Variants in TRHDE observed in about 807,000 individuals in gnomAD.
TRHDE encodes thyrotropin releasing hormone degrading enzyme.
In TRHDE, 72 loss-of-function variants were observed where a neutral mutation model predicts 125.7. The ratio of observed to expected loss-of-function variants is 0.57; its 90% CI spans 0.47 to 0.70. The LOEUF (loss-of-function observed/expected upper bound fraction) is 0.70. TRHDE is among the 30% of genes least tolerant of loss of function. TRHDE has a pLI of 0.00. For missense variants in TRHDE, 1,110 were observed against 1,327.1 expected, an observed-to-expected ratio of 0.84 and a Z score of 2.54; for synonymous variants, 509 against 509.1, an observed-to-expected ratio of 1.00 and a Z score of 0.00.
chr12:72,564,771 C>T (rs1317350437), intron 9 of TRHDE, among the ~76,000 whole-genome samples: 1 of 144,730 alleles, frequency 6.9e-6, no homozygotes, highest in Non-Finnish European at 1.5e-5. Context: ...AGGTTCACCC[C>T]ATTCTCCTGC....
chr12:72,669,479 T>C lies in TRHDE; in HGVS notation c.*6284T>C, dbSNP rs1875197366. ...GTAAAGGAAAGAGTGAAACGTTTTA[T>C]AGAAAATATTACAGTGGAGTTAAGA... On this transcript the variant is annotated 3_prime_UTR_variant, in exon 19 of 19. Coordinates refer to ENST00000261180, the MANE Select transcript of TRHDE (RefSeq NM_013381.3). 1 of 151,814 alleles carries C rather than the reference T, an allele frequency of 6.6e-6. No homozygotes were observed. Among genetic ancestry groups the C allele is most frequent in the Non-Finnish European group, 1.5e-5 (1 of 67,828 alleles). The allele number at this position is 151,814 out of a possible 1,614,324, so 9.4% of individuals were successfully genotyped here.
intron 2 of TRHDE, among the ~76,000 whole-genome samples, chr12:72,291,108 C>A (rs986933512): frequency 1.3e-5 from 2 of 152,208 alleles, no homozygotes; most frequent in African/African-American, 4.8e-5. Flanking sequence ...CAGGCTCAGA[C>A]TTGAGGTCCA....
chr12:72,385,275 G>GTA (rs1236404272), intron 3 of TRHDE, among the ~76,000 whole-genome samples: 1 of 151,554 alleles, frequency 6.6e-6, no homozygotes, highest in East Asian at 1.9e-4. Context: ...GCTATTGTAT[G>GTA]GTTTCTTGGT....
chr12:72,127,521 C>A (rs1445676067), intron 2 of TRHDE, among the ~76,000 whole-genome samples: 1 of 152,168 alleles, frequency 6.6e-6, no homozygotes, highest in Non-Finnish European at 1.5e-5. Context: ...AAAATGAAAT[C>A]ATGTCATTTG....
At chr12:72,226,272 G>A (rs1878126409) in intron 2 of TRHDE, among the ~76,000 whole-genome samples, 3 of 152,268 alleles carry the variant, frequency 2.0e-5, no homozygotes, top group African/African-American at 7.2e-5. Flanking sequence ...GATATAAAAA[G>A]GAAACATAAC....
At chr12:72,369,233 A>G (rs905508742) in intron 2 of TRHDE, among the ~76,000 whole-genome samples, 3 of 152,162 alleles carry the variant, frequency 2.0e-5, no homozygotes, top group African/African-American at 7.2e-5. Context: ...GGGATCAAAA[A>G]TTTGTAGTCC....
At chr12:72,437,633 G>A (rs1276470194) in intron 3 of TRHDE, among the ~76,000 whole-genome samples, 1 of 151,638 alleles carries the variant, frequency 6.6e-6, no homozygotes, top group Admixed American at 6.6e-5. Flanking sequence ...CTATTCAATA[G>A]TTTTTGACAT....
chr12:72,390,453 T>A (rs925895492), intron 3 of TRHDE, among the ~76,000 whole-genome samples: 2 of 152,176 alleles, frequency 1.3e-5, no homozygotes, highest in African/African-American at 4.8e-5. Context: ...AAGGTGACCA[T>A]TCTCATAAAC....
intron 2 of TRHDE, among the ~76,000 whole-genome samples, chr12:72,342,056 T>C (rs768646843): frequency 2.0e-5 from 3 of 152,034 alleles, no homozygotes; most frequent in Non-Finnish European, 4.4e-5. Flanking sequence ...AAAAAAAGAC[T>C]TTAAAAACTC....
intron 2 of TRHDE, among the ~76,000 whole-genome samples, chr12:72,338,808 G>A (rs12826259): frequency 0.35 from 52,769 of 151,972 alleles, 9,890 homozygotes; most frequent in Non-Finnish European, 0.43. Flanking sequence ...TTATAGAGAG[G>A]TACTAACAAA....
chr12:72,224,135 TATCTATTTATCTATGTATG>T (rs1160731427), intron 2 of TRHDE, among the ~76,000 whole-genome samples: 1 of 38,602 alleles, frequency 2.6e-5, no homozygotes, highest in African/African-American at 1.0e-4. Context: ...TCTATCTATC[TATCTATTTATCTATGTATG>T]TATGTATGTA....
intron 6 of TRHDE, among the ~76,000 whole-genome samples, chr12:72,527,693 T>C (rs1368017832): frequency 6.6e-6 from 1 of 152,120 alleles, no homozygotes; most frequent in Non-Finnish European, 1.5e-5. Context: ...CCCATTATTT[T>C]TTCTTATTTT....
At chr12:72,636,621 T>A (rs1190972794) in intron 15 of TRHDE, among the ~76,000 whole-genome samples, 3 of 152,168 alleles carry the variant, frequency 2.0e-5, no homozygotes, top group Non-Finnish European at 4.4e-5. Flanking sequence ...GCCCATTCAG[T>A]ATGATATTGG....
At chr12:72,283,417 A>C (rs552646926) in intron 1 of TRHDE, among the ~76,000 whole-genome samples, 1 of 152,288 alleles carries the variant, frequency 6.6e-6, no homozygotes, top group East Asian at 1.9e-4. Flanking sequence ...CTGAATTGAA[A>C]TTCAATTGCA....
At chr12:72,131,228 C>T (rs945071197) in intron 2 of TRHDE, among the ~76,000 whole-genome samples, 12 of 151,786 alleles carry the variant, frequency 7.9e-5, no homozygotes, top group East Asian at 1.9e-4. Context: ...CCCGCCACCA[C>T]GCCCGGCTAA....
intron 9 of TRHDE, among the ~76,000 whole-genome samples, chr12:72,568,088 C>T (rs10748199): frequency 0.27 from 40,415 of 151,614 alleles, 8,116 homozygotes; most frequent in African/African-American, 0.54. Flanking sequence ...ACTTTAGATA[C>T]GTCATATTAA....
chr12:72,100,536 A>G (rs770102863), intron 1 of TRHDE, among the ~76,000 whole-genome samples: 6 of 152,212 alleles, frequency 3.9e-5, no homozygotes, highest in Non-Finnish European at 7.3e-5. Context: ...GTCCAACCCA[A>G]TCACTGTGGT....
chr12:72,180,328 TATA>T (rs1340692346), intron 2 of TRHDE, among the ~76,000 whole-genome samples: 1 of 152,146 alleles, frequency 6.6e-6, no homozygotes, highest in Non-Finnish European at 1.5e-5. Flanking sequence ...ATCTTAATAT[TATA>T]ATAAGAATTA....
At chr12:72,441,847 T>C (rs1406311094) in intron 3 of TRHDE, among the ~76,000 whole-genome samples, 1 of 151,820 alleles carries the variant, frequency 6.6e-6, no homozygotes, top group Non-Finnish European at 1.5e-5. Flanking sequence ...GTGCTTGAAA[T>C]ATAAAATAAA....
Sources: gnomAD v4.1 joint callset for allele counts (sites outside exome capture counted in the v4.1 genomes callset) on GRCh38, gnomAD v4.1.1 for gene constraint, MANE v1.5 for transcripts, NCBI Gene and HGNC (gene_info 2026-07-23, HGNC 2026-07-21) for gene names.